The following SLC35D4 variants were observed in gnomAD, a reference collection of about 807,000 sequenced individuals.
SLC35D4 encodes the protein solute carrier family 35 member D4.
the SLC35D4 span, among the ~76,000 whole-genome samples, chr18:23,375,146 AAAT>A: frequency 1.3e-5 from 2 of 150,286 alleles, no homozygotes. Flanking sequence ...ATAAATAAAT[AAAT>A]AATAATAATA....
the SLC35D4 span, among the ~76,000 whole-genome samples, chr18:23,277,504 C>T: frequency 6.6e-6 from 1 of 152,190 alleles, no homozygotes; most frequent in Admixed American, 6.5e-5. Flanking sequence ...CAGACTAATA[C>T]AGATGGCCTT....
At chr18:23,272,002 G>A in the SLC35D4 span, among the ~76,000 whole-genome samples, 1 of 152,078 alleles carries the variant, frequency 6.6e-6, no homozygotes, top group Admixed American at 6.5e-5. Context: ...TATAATCAAT[G>A]GGCAAACATA....
chr18:23,252,729 C>T, the SLC35D4 span, among the ~76,000 whole-genome samples: 1 of 152,294 alleles, frequency 6.6e-6, no homozygotes, highest in South Asian at 2.1e-4. Context: ...TACAGGCCGG[C>T]TTTCCTAAGT....
chr18:23,334,138 T>C, the SLC35D4 span, among the ~76,000 whole-genome samples: 1 of 152,202 alleles, frequency 6.6e-6, no homozygotes, highest in Admixed American at 6.5e-5. Flanking sequence ...GGGCATTTGA[T>C]ATATCAAATA....
chr18:23,363,746 C>T, the SLC35D4 span, among the ~76,000 whole-genome samples: 2 of 152,142 alleles, frequency 1.3e-5, no homozygotes, highest in Non-Finnish European at 2.9e-5. Context: ...AGCTACCTGG[C>T]TGCATAAAGG....
At chr18:23,420,946 A>T in the SLC35D4 span, among the ~76,000 whole-genome samples, 1 of 152,092 alleles carries the variant, frequency 6.6e-6, no homozygotes, top group South Asian at 2.1e-4. Flanking sequence ...AAACAAATCA[A>T]ACAAACCTCT....
At chr18:23,404,607 G>A in the SLC35D4 span, among the ~76,000 whole-genome samples, 480 of 146,284 alleles carry the variant, frequency 3.3e-3, 2 homozygotes, top group Admixed American at 5.5e-3. Flanking sequence ...CGGGAGGCTT[G>A]CGGCGGGCCG....
the SLC35D4 span, among the ~76,000 whole-genome samples, chr18:23,325,336 C>A: frequency 6.6e-6 from 1 of 151,898 alleles, no homozygotes; most frequent in South Asian, 2.1e-4. Flanking sequence ...AATTCAGACA[C>A]AAAATATCAA....
the SLC35D4 span, among the ~76,000 whole-genome samples, chr18:23,433,521 C>G: frequency 2.0e-5 from 3 of 152,168 alleles, no homozygotes. Flanking sequence ...TGCCTAGGGC[C>G]TGATTACAGC....
the SLC35D4 span, among the ~76,000 whole-genome samples, chr18:23,280,434 A>G: frequency 6.6e-6 from 1 of 152,196 alleles, no homozygotes; most frequent in Admixed American, 6.5e-5. Flanking sequence ...GTGCACCTGA[A>G]TCTGTCCTGT....
the SLC35D4 span, among the ~76,000 whole-genome samples, chr18:23,354,362 A>T: frequency 6.2e-4 from 93 of 149,718 alleles, no homozygotes; most frequent in African/African-American, 2.2e-3. Context: ...AAAAAAAAAA[A>T]AAAAGAAAAT....
the SLC35D4 span, among the ~76,000 whole-genome samples, chr18:23,421,959 G>C: frequency 6.6e-6 from 1 of 151,866 alleles, no homozygotes; most frequent in Non-Finnish European, 1.5e-5. Context: ...TTATAGGCTT[G>C]AGCCACCATG....
chr18:23,363,108 G>C, the SLC35D4 span, among the ~76,000 whole-genome samples: 3,774 of 151,714 alleles, frequency 0.025, 55 homozygotes, highest in Middle Eastern at 0.058. Flanking sequence ...AGCTGGGCAT[G>C]GTGGCAGGTG....
chr18:23,285,323 T>C, the SLC35D4 span, among the ~76,000 whole-genome samples: 1 of 151,918 alleles, frequency 6.6e-6, no homozygotes, highest in African/African-American at 2.4e-5. Context: ...CATTCCTCCT[T>C]CTTCTCCCTT....
At chr18:23,335,974 A>T in the SLC35D4 span, among the ~76,000 whole-genome samples, 1 of 152,174 alleles carries the variant, frequency 6.6e-6, no homozygotes, top group African/African-American at 2.4e-5. Context: ...AAGTTGTGAA[A>T]CAGAATTGTT....
At chr18:23,386,562 G>A in the SLC35D4 span, among the ~76,000 whole-genome samples, 2 of 152,060 alleles carry the variant, frequency 1.3e-5, no homozygotes, top group East Asian at 3.9e-4. Context: ...CAAGTATGTG[G>A]TAATTTATTA....
the SLC35D4 span, among the ~76,000 whole-genome samples, chr18:23,254,867 G>A: frequency 4.6e-5 from 7 of 152,140 alleles, no homozygotes; most frequent in Admixed American, 2.6e-4. Context: ...ATCCACATAC[G>A]AATTTGGGGG....
At chr18:23,340,230 G>C in the SLC35D4 span, among the ~76,000 whole-genome samples, 1 of 152,110 alleles carries the variant, frequency 6.6e-6, no homozygotes, top group East Asian at 1.9e-4. Flanking sequence ...TCAGCCACTG[G>C]GGAGGCCGAG....
chr18:23,330,375 C>A, the SLC35D4 span, among the ~76,000 whole-genome samples: 2 of 151,896 alleles, frequency 1.3e-5, no homozygotes, highest in African/African-American at 4.8e-5. Flanking sequence ...CTATAATTAG[C>A]CTTTTGAACT....
Sources: allele counts gnomAD v4.1 joint callset (sites outside exome capture counted in the v4.1 genomes callset), GRCh38; gene constraint gnomAD v4.1.1; transcripts MANE v1.5; gene names NCBI Gene and HGNC (gene_info 2026-07-23, HGNC 2026-07-21).